The following TUFT1 variants were observed in gnomAD, a reference collection of about 807,000 sequenced individuals.
TUFT1 encodes the protein tuftelin 1.
Under a neutral mutation model 57.8 loss-of-function variants are expected in TUFT1, and 43 were observed. The observed-to-expected ratio is 0.74, with a 90% CI of 0.58 to 0.96. The LOEUF (loss-of-function observed/expected upper bound fraction) is 0.96. Among genes scored for constraint, TUFT1 ranks in the 40% least tolerant of loss-of-function variants. The pLI is 0.00. For synonymous variants in TUFT1, 166 were observed against 176.7 expected (o/e 0.94, Z 0.48); for missense variants, 459 against 489.0 (o/e 0.94, Z 0.58).
At position 151,582,830 on chromosome 1, in the gene TUFT1, G is replaced by T. The variant is rs1178839750; in HGVS notation, c.*1123G>T. 1.3e-5 allele frequency: 2 copies of T among 152,192 alleles called. No individual in the cohort carries two copies. Among genetic ancestry groups the T allele is most frequent in the African/African-American group, 4.8e-5 (2 of 41,404 alleles). 9.4% of individuals were successfully genotyped at this position (152,192 alleles called of 1,614,324 possible). On this transcript the variant is annotated 3_prime_UTR_variant, in exon 13 of 13. Transcript: ENST00000368849. The stretch of plus-strand genomic sequence containing the variant: ...AAGAGGGCAATCAGGACTCTTCTGG[G>T]ACCCAGATGAGTTCTTCACTAGCCC...
intron 12 of TUFT1, among the ~76,000 whole-genome samples, 183 bp from the exon 13 acceptor site, chr1:151,581,461 C>T (rs1666643567): frequency 6.6e-6 from 1 of 152,048 alleles, no homozygotes; most frequent in South Asian, 2.1e-4. Context: ...TGTATCATGC[C>T]CCAAATCTTC....
chr1:151,566,402 C>A (rs1447546323), intron 6 of TUFT1, among the ~76,000 whole-genome samples, 174 bp downstream of exon 6: 1 of 152,086 alleles, frequency 6.6e-6, no homozygotes, highest in Admixed American at 6.5e-5. Flanking sequence ...TTCTCCTTCC[C>A]CAATCTCTCT....
rs1666005216 is a variant in TUFT1, at chr1:151,564,610, T to C, written c.410T>C (p.Ile137Thr). The change falls in exon 5 of 13, where the codon ATA (isoleucine) becomes ACA (threonine). Residue 137 changes from isoleucine (I) to threonine (T), a missense_variant. Ile to Thr is a moderately conservative substitution (Grantham distance 89). Coordinates refer to ENST00000368849, the MANE Select transcript of TUFT1 (RefSeq NM_020127.3). ...NLGDSLHRQE[I>T]QVVLEKPNGF... ...GGAGATTCTCTCCATCGACAGGAGA[T>C]ACAGGTAATAGGAAATGGTCCATGG... is the stretch of plus-strand genomic sequence containing the variant. 1 of 1,613,660 alleles carries C rather than the reference T, an allele frequency of 6.2e-7. No individual in the cohort carries two copies. The highest frequency in any genetic ancestry group is 8.5e-7 in the Non-Finnish European group (1 of 1,179,712).
chr1:151,578,836 G>A lies in TUFT1; in HGVS notation c.924+10G>A. The A allele has an allele frequency of 6.4e-7, 1 of 1,553,650 alleles. No individual in the cohort carries two copies. The highest frequency in any genetic ancestry group is 8.7e-7 in the Non-Finnish European group (1 of 1,147,238). Reference sequence around the variant, plus strand: ...GCAAATGATAGAGCAGGTAAGTTGGGCTGGTTTGTAACCTGCCCTCGGGGA... The same window carrying A: ...GCAAATGATAGAGCAGGTAAGTTGGACTGGTTTGTAACCTGCCCTCGGGGA... On this transcript the variant is annotated intron_variant, in intron 10 of 12. Transcript: ENST00000368849.
intron 1 of TUFT1, among the ~76,000 whole-genome samples, chr1:151,558,220 A>G (rs1044291788): frequency 3.3e-5 from 5 of 151,908 alleles, no homozygotes; most frequent in Non-Finnish European, 7.4e-5. Flanking sequence ...CTCATTTCTG[A>G]AGGATATTTT....
At chr1:151,558,879 G>A (rs1409089646) in intron 1 of TUFT1, among the ~76,000 whole-genome samples, 3 of 151,538 alleles carry the variant, frequency 2.0e-5, no homozygotes, top group Non-Finnish European at 2.9e-5. Flanking sequence ...CCACCTCCTA[G>A]GTTCAAGCGA....
intron 11 of TUFT1, among the ~76,000 whole-genome samples, chr1:151,580,325 G>GT (rs1416896426): frequency 1.3e-5 from 2 of 152,090 alleles, no homozygotes; most frequent in Non-Finnish European, 2.9e-5. Flanking sequence ...ATAGAATAGC[G>GT]TATCAACAAA....
At chr1:151,560,898 T>TTACTTTTCCC (rs1665862438) in intron 1 of TUFT1, among the ~76,000 whole-genome samples, 1 of 152,028 alleles carries the variant, frequency 6.6e-6, no homozygotes, top group African/African-American at 2.4e-5. Context: ...CTACAGGCCC[T>TTACTTTTCCC]TACTTTTCCC....
Position 151,581,798 on chromosome 1 carries a change from C to T in TUFT1, c.*91C>T. ...GGCTGTTAACACTGCCTTTGACTTC[C>T]TGACTGTCCCCTGGCTGCACCCAGG... On this transcript the variant is annotated 3_prime_UTR_variant, in exon 13 of 13. Transcript: ENST00000368849. 5.8e-6 allele frequency: 8 copies of T among 1,375,086 alleles called. No homozygotes were observed. Among genetic ancestry groups the T allele is most frequent in the Non-Finnish European group, 8.3e-6 (8 of 969,102 alleles). The allele number at this position is 1,375,086 out of a possible 1,614,324, so 85.2% of individuals were successfully genotyped here. A position where few individuals can be genotyped will look rare whatever the true frequency, so the allele number is the denominator to read the frequency against.
chr1:151,574,507 A>G, intron 8 of TUFT1, 109 bp downstream of exon 8: 1 of 1,455,094 alleles, frequency 6.9e-7, no homozygotes, highest in Non-Finnish European at 9.3e-7. Context: ...TCTCCAGAAA[A>G]GCACACTTCG....
chr1:151,568,637 A>T (rs1407097830), intron 6 of TUFT1, among the ~76,000 whole-genome samples: 1 of 152,252 alleles, frequency 6.6e-6, no homozygotes, highest in Non-Finnish European at 1.5e-5. Flanking sequence ...TGGATAACTC[A>T]TGACATCTAG....
At chr1:151,563,139 C>T (rs569955213) in intron 3 of TUFT1, among the ~76,000 whole-genome samples, 53 of 152,284 alleles carry the variant, frequency 3.5e-4, no homozygotes, top group Non-Finnish European at 7.1e-4. Flanking sequence ...CCTGTCTCAG[C>T]CTCCCAAAAT....
At chr1:151,574,475 C>T (rs1011546373) in intron 8 of TUFT1, 77 bp downstream of exon 8, 27 of 1,566,910 alleles carry the variant, frequency 1.7e-5, no homozygotes, top group South Asian at 3.5e-5. Context: ...AAACGGTTGC[C>T]GAGACCCTTC....
intron 1 of TUFT1, 95 bp downstream of exon 1, chr1:151,540,521 C>A: frequency 7.0e-7 from 1 of 1,435,188 alleles, no homozygotes; most frequent in Non-Finnish European, 9.8e-7. Context: ...CTGACATCAC[C>A]TGGTGCCCGG....
rs1666191360 is a variant in TUFT1, at chr1:151,569,679, A to T, written c.503A>T (p.Asp168Val). 1 of 1,613,820 alleles carries T rather than the reference A, an allele frequency of 6.2e-7. No homozygotes were observed. Among genetic ancestry groups the T allele is most frequent in the African/African-American group, 1.3e-5 (1 of 75,008 alleles). Residue 168 changes from aspartate (D) to valine (V), a missense_variant, in exon 7 of 13, where the codon GAT becomes GTT. Transcript: ENST00000368849. ...TAGGTGGACACCTGTATAAATGAGG[A>T]TGTTGAGAGCTTGAGGAAGACGGTG... ...PPEVDTCINE[D>V]VESLRKTVQD...
intron 1 of TUFT1, among the ~76,000 whole-genome samples, chr1:151,551,799 A>G (rs17640598): frequency 0.22 from 33,152 of 152,160 alleles, 3,947 homozygotes; most frequent in South Asian, 0.35. Context: ...GGTCCTGATC[A>G]TAAGGGGACT....
At chr1:151,541,189 A>T (rs1255540338) in intron 1 of TUFT1, among the ~76,000 whole-genome samples, 4 of 152,102 alleles carry the variant, frequency 2.6e-5, no homozygotes, top group African/African-American at 9.7e-5. Context: ...GGGGATGCAG[A>T]ACCCGGGCCG....
rs535825725 is a variant in TUFT1 at position 151,557,572 on chromosome 1, C to G, written c.61-4519C>G. 954 of 1,130,488 alleles carry G rather than the reference C, an allele frequency of 8.4e-4. 1 individual carries two copies. Among genetic ancestry groups the G allele is most frequent in the Non-Finnish European group, 1.2e-3 (887 of 741,252 alleles). The allele number at this position is 1,130,488 out of a possible 1,614,324, so 70.0% of individuals were successfully genotyped here. On this transcript the variant is annotated intron_variant, in intron 1 of 12. Coordinates refer to ENST00000368849, the MANE Select transcript of TUFT1 (RefSeq NM_020127.3). Reference sequence around the variant, plus strand: ...GGCAGACAAGGATGTGCCCAATCTTCATGTCATGAAGGCCATGCAGCCTCT... The same window carrying G: ...GGCAGACAAGGATGTGCCCAATCTTGATGTCATGAAGGCCATGCAGCCTCT...
In TUFT1 at chr1:151,552,230, C is replaced by T. The variant is rs1459761050; in HGVS notation, c.61-9861C>T. 3.3e-5 allele frequency among the ~76,000 whole-genome samples: 5 copies of T among 152,128 alleles called. No homozygotes were observed. In the East Asian group the frequency reaches 9.6e-4, roughly 29 times the overall value. ...AAAGTTCCATTGTATGAATATATTA[C>T]AATTTATTCTACTCTTGCTGAACAT... On this transcript the variant is annotated intron_variant, in intron 1 of 12. Transcript: ENST00000368849.
Sources: gnomAD v4.1 joint callset for allele counts (sites outside exome capture counted in the v4.1 genomes callset) on GRCh38, gnomAD v4.1.1 for gene constraint, MANE v1.5 for transcripts, NCBI Gene and HGNC (gene_info 2026-07-23, HGNC 2026-07-21) for gene names.